Variants in MTOR observed in about 807,000 individuals in gnomAD.
MTOR encodes serine/threonine-protein kinase mTOR.
Under a neutral mutation model 319.8 loss-of-function variants are expected in MTOR, and 70 were observed. The observed-to-expected ratio is 0.22, with a 90% CI of 0.18 to 0.27. MTOR has a LOEUF of 0.27. Among genes scored for constraint, MTOR ranks in the 10% least tolerant of loss-of-function variants. The pLI is 1.00. For missense variants in MTOR, 1,890 were observed against 3,274.4 expected (o/e 0.58, Z 10.32); for synonymous variants, 1,183 against 1,211.4 (o/e 0.98, Z 0.49).
chr1:11,238,117 C>G lies in MTOR; in HGVS notation c.2003-69G>C. On this transcript the variant is annotated intron_variant, in intron 12 of 57. Transcript: ENST00000361445. ...TCACTCCAGCCCTTCCCAGCTTCTA[C>G]CTCCACTGCCATCAGCGTAGTGGGA... 3 of 1,446,982 alleles carry G rather than the reference C, an allele frequency of 2.1e-6. No homozygotes were observed. The South Asian group carries it at 3.5e-5, about 17-fold the overall frequency. The allele number at this position is 1,446,982 out of a possible 1,614,324, so 89.6% of individuals were successfully genotyped here. A position where few individuals can be genotyped will look rare whatever the true frequency, so the allele number is the denominator to read the frequency against.
At chr1:11,197,577 T>C (rs1645828218) in intron 28 of MTOR, among the ~76,000 whole-genome samples, 1 of 152,212 alleles carries the variant, frequency 6.6e-6, no homozygotes, top group South Asian at 2.1e-4. Flanking sequence ...AGAATCTCGC[T>C]GTCATCCAGG....
intron 28 of MTOR, 152 bp from the exon 29 acceptor site, chr1:11,167,669 G>T: frequency 1.6e-6 from 1 of 635,258 alleles, no homozygotes; most frequent in Non-Finnish European, 2.8e-6. Context: ...CATCCAGAAA[G>T]CTCAGTTTAA....
chr1:11,139,797 T>G lies in MTOR; in HGVS notation c.4873-139A>C, dbSNP rs1643602345. The G allele has an allele frequency of 4.8e-6, 5 of 1,034,036 alleles. No individual in the cohort carries two copies. In the Admixed American group the frequency reaches 1.2e-4, roughly 25 times the overall value. 64.1% of individuals were successfully genotyped at this position (1,034,036 alleles called of 1,614,324 possible). A position where few individuals can be genotyped will look rare whatever the true frequency, so the allele number is the denominator to read the frequency against. ...ACCTCTGCCTCCCGGGTTCAAGCAA[T>G]TCTCCTGCCTCAGCCTCCCGAGTAG... On this transcript the variant is annotated intron_variant, in intron 34 of 57. Coordinates refer to ENST00000361445, the MANE Select transcript of MTOR (RefSeq NM_004958.4).
At chr1:11,222,651 A>G (rs1646707051) in intron 19 of MTOR, among the ~76,000 whole-genome samples, 1 of 152,182 alleles carries the variant, frequency 6.6e-6, no homozygotes. Context: ...ATTTCTAAAG[A>G]ACTTTCTAGC....
chr1:11,199,225 G>C lies in MTOR; in HGVS notation c.4253+33C>G. On this transcript the variant is annotated intron_variant, in intron 28 of 57. Coordinates refer to ENST00000361445, the MANE Select transcript of MTOR (RefSeq NM_004958.4). This position sits in a 1 kb window ranked among gnomAD's most constrained non-coding sequence, Gnocchi z 4.5. ...TGGGAGAAGAGAGGTCATTTTGCAT[G>C]AAGGCAGCAATTAAAAAGGGTTTAT... is the stretch of plus-strand genomic sequence containing the variant. 1 of 1,614,060 alleles carries C rather than the reference G, an allele frequency of 6.2e-7. No homozygotes were observed. The highest frequency in any genetic ancestry group is 8.5e-7 in the Non-Finnish European group (1 of 1,179,922).
chr1:11,229,270 A>G (rs1646941920), intron 18 of MTOR, among the ~76,000 whole-genome samples: 1 of 152,204 alleles, frequency 6.6e-6, no homozygotes, highest in South Asian at 2.1e-4. Context: ...AATAAAGTAA[A>G]GGGAATTAAA....
intron 33 of MTOR, 86 bp downstream of exon 33, chr1:11,144,882 A>C: frequency 6.6e-7 from 1 of 1,519,792 alleles, no homozygotes; most frequent in Non-Finnish European, 9.1e-7. Context: ...TGTTTCCAGC[A>C]GCCTGTAAGT....
At chr1:11,178,455 T>G (rs1645054025) in intron 28 of MTOR, among the ~76,000 whole-genome samples, 1 of 152,216 alleles carries the variant, frequency 6.6e-6, no homozygotes, top group Non-Finnish European at 1.5e-5. Context: ...TTTCCAAGGC[T>G]CTGGCTGATT....
At position 11,159,766 on chromosome 1, in the gene MTOR, TC is replaced by T. The variant is rs1266635705; in HGVS notation, c.4330-2476del. 2.6e-5 allele frequency among the ~76,000 whole-genome samples: 4 copies of T among 152,150 alleles called. No homozygotes were observed. In the East Asian group the frequency reaches 7.7e-4, roughly 29 times the overall value. Reference sequence around the variant, plus strand: ...GATCAAACAAAAGCCTGTTAAATATTCCCAATTTTTCTCACTTTAACATCCT... The same window carrying T: ...GATCAAACAAAAGCCTGTTAAATATTCCAATTTTTCTCACTTTAACATCCT... On this transcript the variant is annotated intron_variant, in intron 29 of 57. Transcript: ENST00000361445.
At chr1:11,148,936 A>G (rs1214379851) in intron 31 of MTOR, among the ~76,000 whole-genome samples, 1 of 150,890 alleles carries the variant, frequency 6.6e-6, no homozygotes, top group Non-Finnish European at 1.5e-5. Flanking sequence ...GTGTATATAT[A>G]TATATAATTG....
chr1:11,229,032 T>G, intron 18 of MTOR, 114 bp from the exon 19 acceptor site: 1 of 1,322,244 alleles, frequency 7.6e-7, no homozygotes, highest in Admixed American at 1.9e-5. Flanking sequence ...ATATCTTTCT[T>G]CCTAGTATGT....
At position 11,212,173 on chromosome 1, in the gene MTOR, C is replaced by A. The variant is rs1646334225; in HGVS notation, c.3561+139G>T. 4 of 1,049,368 alleles carry A rather than the reference C, an allele frequency of 3.8e-6. No homozygotes were observed. The highest frequency in any genetic ancestry group is 5.5e-6 in the Non-Finnish European group (4 of 729,566). 65.0% of individuals were successfully genotyped at this position (1,049,368 alleles called of 1,614,324 possible). A position where few individuals can be genotyped will look rare whatever the true frequency, so the allele number is the denominator to read the frequency against. The stretch of plus-strand genomic sequence containing the variant: ...GGTTGCTCAATAAATGTTTGCTGAA[C>A]ACATGAAAAGAAAAAAAGCAAGTAA... On this transcript the variant is annotated intron_variant, in intron 23 of 57. Coordinates refer to ENST00000361445, the MANE Select transcript of MTOR (RefSeq NM_004958.4). The surrounding 1 kb of genome is among the most constrained non-coding windows in gnomAD (Gnocchi z 4.1).
At chr1:11,248,327 G>A (rs978012194) in intron 6 of MTOR, among the ~76,000 whole-genome samples, 4 of 152,198 alleles carry the variant, frequency 2.6e-5, no homozygotes, top group African/African-American at 7.2e-5. Flanking sequence ...TAAAGCAGCA[G>A]CAGAGGGCTG....
At chr1:11,114,089 C>G (rs970583385) in intron 53 of MTOR, among the ~76,000 whole-genome samples, 1 of 152,166 alleles carries the variant, frequency 6.6e-6, no homozygotes, top group Non-Finnish European at 1.5e-5. Flanking sequence ...TCAATTAAAC[C>G]TCTTTCCTTT....
chr1:11,228,524 A>G, intron 19 of MTOR, 144 bp downstream of exon 19: 1 of 1,126,826 alleles, frequency 8.9e-7, no homozygotes, highest in South Asian at 1.5e-5. Context: ...CTGATTGTAC[A>G]CTTTATATGT....
rs1436131099 is a variant in MTOR at position 11,144,640 on chromosome 1, A to G, written c.4872+8T>C. On this transcript the variant is annotated splice_region_variant and intron_variant, in intron 34 of 57. Coordinates refer to ENST00000361445, the MANE Select transcript of MTOR (RefSeq NM_004958.4). ...GGTGGGTGAACTGGGGCTTTCTACC[A>G]AGCTCACCTGCAGTCTCTCCCACCA... 1 of 1,613,704 alleles carries G rather than the reference A, an allele frequency of 6.2e-7. No homozygotes were observed. The highest frequency in any genetic ancestry group is 1.7e-5 in the Admixed American group (1 of 60,012).
chr1:11,234,396 G>C, intron 13 of MTOR, 131 bp from the exon 14 acceptor site: 5 of 1,029,322 alleles, frequency 4.9e-6, no homozygotes, highest in Non-Finnish European at 7.1e-6. Flanking sequence ...GTAGCTGCTA[G>C]ATACTCAATG....
rs548648365 is a variant in MTOR, at chr1:11,167,851, C to T, written c.4254-334G>A. 7.0e-4 allele frequency among the ~76,000 whole-genome samples: 106 copies of T among 152,202 alleles called. 5 individuals carry two copies. The South Asian group carries it at 0.021, about 30-fold the overall frequency. On this transcript the variant is annotated intron_variant, in intron 28 of 57. Coordinates refer to ENST00000361445, the MANE Select transcript of MTOR (RefSeq NM_004958.4). ...TTGGGAGGCTGAGGCGGTTGGATCA[C>T]GAGGTCAGGAGATCAAGACCATCCT...
At chr1:11,230,862 A>G in intron 18 of MTOR, 63 bp downstream of exon 18, 2 of 1,606,444 alleles carry the variant, frequency 1.2e-6, no homozygotes, top group African/African-American at 2.7e-5. Context: ...CTTTCTAAAC[A>G]CAACCAGCAA....
Sources: gnomAD v4.1 joint callset for allele counts (sites outside exome capture counted in the v4.1 genomes callset) on GRCh38, gnomAD v4.1.1 for gene constraint, Gnocchi (gnomAD v3.1) non-coding constraint, MANE v1.5 for transcripts, NCBI Gene and HGNC (gene_info 2026-07-23, HGNC 2026-07-21) for gene names.